Variants in BAZ2B observed in about 807,000 individuals in gnomAD.
BAZ2B encodes the protein bromodomain adjacent to zinc finger domain protein 2B.
BAZ2B carries 91 observed loss-of-function variants against 246.0 expected under a neutral mutation model. That is an observed-to-expected ratio of 0.37 (90% CI 0.31 to 0.44). The LOEUF (loss-of-function observed/expected upper bound fraction) is 0.44. Ranked by LOEUF, BAZ2B falls within the 20% of genes least tolerant of loss-of-function variation. The probability of loss-of-function intolerance (pLI) is 1.00; values close to 1 mark genes in which losing one functional copy is unlikely to be tolerated. For missense variants in BAZ2B, 2,332 were observed against 2,533.7 expected (o/e 0.92, Z 1.71); for synonymous variants, 855 against 860.0 (o/e 0.99, Z 0.10).
chr2:159,544,867 G>A (rs975691782), intron 2 of BAZ2B, among the ~76,000 whole-genome samples: 3 of 152,118 alleles, frequency 2.0e-5, no homozygotes, highest in Non-Finnish European at 4.4e-5. Context: ...GGAAACAGAG[G>A]GAAATTAATT....
chr2:159,562,470 T>C (rs1233832143), intron 1 of BAZ2B, among the ~76,000 whole-genome samples: 1 of 152,204 alleles, frequency 6.6e-6, no homozygotes, highest in Non-Finnish European at 1.5e-5. Flanking sequence ...TCTTTACTCA[T>C]TCCCTCTTAA....
At chr2:159,623,915 G>A in the BAZ2B span, among the ~76,000 whole-genome samples, 3 of 152,182 alleles carry the variant, frequency 2.0e-5, no homozygotes, top group Non-Finnish European at 4.4e-5. Context: ...AAAGGCATGA[G>A]GCAGAGCCCA....
Position 159,616,336 on chromosome 2 carries a change from T to G in BAZ2B, c.-140A>C, listed in dbSNP as rs1434252940. 1 of 152,222 alleles carries G rather than the reference T, an allele frequency of 6.6e-6. No individual in the cohort carries two copies. Among genetic ancestry groups the G allele is most frequent in the African/African-American group, 2.4e-5 (1 of 41,454 alleles). 9.4% of individuals were successfully genotyped at this position (152,222 alleles called of 1,614,324 possible). A position where few individuals can be genotyped will look rare whatever the true frequency, so the allele number is the denominator to read the frequency against. ...ATTTTTGGAAACCCCACCACCTCCT[T>G]ATTTCTATTATTATTTCTGCAAGAA... On this transcript the variant is annotated 5_prime_UTR_variant, in exon 1 of 37. Transcript: ENST00000392783.
intron 2 of BAZ2B, among the ~76,000 whole-genome samples, chr2:159,547,905 CTT>C (rs1366137187): frequency 6.6e-6 from 1 of 152,114 alleles, no homozygotes. Context: ...AGAAGCTAAA[CTT>C]ATATCTGTGC....
chr2:159,409,052 T>G (rs1390731955), intron 14 of BAZ2B, among the ~76,000 whole-genome samples: 3 of 152,134 alleles, frequency 2.0e-5, no homozygotes, highest in Admixed American at 1.3e-4. Flanking sequence ...TATTTGTTTT[T>G]TTTTTGGTTG....
chr2:159,357,878 G>A (rs575357105), intron 27 of BAZ2B, among the ~76,000 whole-genome samples: 2 of 152,248 alleles, frequency 1.3e-5, no homozygotes, highest in East Asian at 1.9e-4. Context: ...CTTCATAAGC[G>A]AAGGAGAAAT....
intron 1 of BAZ2B, among the ~76,000 whole-genome samples, chr2:159,569,293 CAT>C (rs1416837217): frequency 6.6e-6 from 1 of 152,008 alleles, no homozygotes; most frequent in Non-Finnish European, 1.5e-5. Context: ...AAAATTATGA[CAT>C]GAGCTATTCA....
chr2:159,553,507 G>A (rs910109578), intron 2 of BAZ2B, among the ~76,000 whole-genome samples: 1 of 151,774 alleles, frequency 6.6e-6, no homozygotes, highest in Admixed American at 6.6e-5. Context: ...GATCACATAG[G>A]AAATGAGAAG....
At chr2:159,655,070 G>A in the BAZ2B span, among the ~76,000 whole-genome samples, 1 of 152,038 alleles carries the variant, frequency 6.6e-6, no homozygotes, top group Non-Finnish European at 1.5e-5. Context: ...GAATTCAAAG[G>A]CAATTAGTAC....
intron 36 of BAZ2B, 116 bp downstream of exon 36, chr2:159,324,676 ACACACACACACACCTGCCT>A: frequency 4.2e-6 from 1 of 237,380 alleles, no homozygotes; most frequent in Non-Finnish European, 7.2e-6. Context: ...ACACACACAC[ACACACACACACACCTGCCT>A]CAAAGGCAGG....
At position 159,435,340 on chromosome 2, in the gene BAZ2B, T is replaced by A. The variant is rs563439541; in HGVS notation, c.1294-1977A>T. ...GACTATGGGCACGTGCCACCATACC[T>A]GGCTAATGTTTTTGTTTTTTTTAGT... On this transcript the variant is annotated intron_variant, in intron 8 of 36. Transcript: ENST00000392783. The A allele has an allele frequency of 2.8e-4, 42 of 148,382 alleles. 1 individual carries two copies. The highest frequency in any genetic ancestry group is 9.8e-4 in the African/African-American group (40 of 40,878). The allele number at this position is 148,382 out of a possible 1,614,324, so 9.2% of individuals were successfully genotyped here.
intron 23 of BAZ2B, 125 bp downstream of exon 23, chr2:159,385,030 C>T (rs995034197): frequency 2.0e-6 from 2 of 982,096 alleles, no homozygotes; most frequent in Non-Finnish European, 1.5e-6. Context: ...GAGATAAGTA[C>T]AATTTTAATT....
chr2:159,409,652 A>AC (rs944906706), intron 14 of BAZ2B, among the ~76,000 whole-genome samples: 91 of 152,232 alleles, frequency 6.0e-4, no homozygotes, highest in Non-Finnish European at 3.8e-4. Context: ...CTCTCAGATA[A>AC]CCCCCCAAAG....
intron 14 of BAZ2B, among the ~76,000 whole-genome samples, chr2:159,408,036 T>A (rs528420486): frequency 2.0e-5 from 3 of 152,224 alleles, no homozygotes; most frequent in African/African-American, 4.8e-5. Flanking sequence ...AAATATGGCA[T>A]AAGTACGATC....
At chr2:159,581,339 C>T (rs1165806019) in intron 1 of BAZ2B, among the ~76,000 whole-genome samples, 1 of 152,158 alleles carries the variant, frequency 6.6e-6, no homozygotes, top group East Asian at 1.9e-4. Context: ...CATCACTGGC[C>T]ATCAGAGAAA....
At chr2:159,385,487 CTT>C (rs5835743) in intron 22 of BAZ2B, 118 bp from the exon 23 acceptor site, 1 of 640,040 alleles carries the variant, frequency 1.6e-6, no homozygotes, top group Non-Finnish European at 2.5e-6. Flanking sequence ...GCTTTATTCA[CTT>C]TTTTTTTAAT....
At chr2:159,643,695 T>C in the BAZ2B span, among the ~76,000 whole-genome samples, 1 of 151,820 alleles carries the variant, frequency 6.6e-6, no homozygotes, top group Non-Finnish European at 1.5e-5. Context: ...GCCAACATGG[T>C]GAAATCCTGT....
chr2:159,545,203 G>C (rs996678769), intron 2 of BAZ2B, among the ~76,000 whole-genome samples: 1 of 152,030 alleles, frequency 6.6e-6, no homozygotes, highest in African/African-American at 2.4e-5. Flanking sequence ...CCCTTCTCCT[G>C]CCTCTCCACT....
At chr2:159,439,456 T>C (rs925121568) in intron 6 of BAZ2B, among the ~76,000 whole-genome samples, 1 of 152,152 alleles carries the variant, frequency 6.6e-6, no homozygotes, top group South Asian at 2.1e-4. Context: ...ATATAGCATA[T>C]GTGTAGATGT....
Sources: allele counts gnomAD v4.1 joint callset (sites outside exome capture counted in the v4.1 genomes callset), GRCh38; gene constraint gnomAD v4.1.1; transcripts MANE v1.5; gene names NCBI Gene and HGNC (gene_info 2026-07-23, HGNC 2026-07-21).